Variants in PRELID2 observed in about 807,000 individuals in gnomAD.
PRELID2 encodes the protein PRELI domain containing 2, also known as PRELI domain-containing protein 2.
In PRELID2, 25 loss-of-function variants were observed where a neutral mutation model predicts 28.4. The ratio of observed to expected loss-of-function variants is 0.88; its 90% CI spans 0.64 to 1.23. The LOEUF is 1.23. PRELID2 is among the 50% of genes most tolerant of loss of function. The pLI is 0.00. For synonymous variants in PRELID2, 76 were observed against 71.6 expected, an observed-to-expected ratio of 1.06 and a Z score of -0.31; for missense variants, 201 against 214.4, an observed-to-expected ratio of 0.94 and a Z score of 0.39.
At chr5:145,542,670 CTCT>C (rs1752753046) in intron 1 of PRELID2, among the ~76,000 whole-genome samples, 1 of 152,048 alleles carries the variant, frequency 6.6e-6, no homozygotes, top group African/African-American at 2.4e-5. Flanking sequence ...TGAAACTGAC[CTCT>C]TCTTAGAGTT....
chr5:145,484,896 T>A (rs1053532726), intron 1 of PRELID2, among the ~76,000 whole-genome samples: 2 of 152,182 alleles, frequency 1.3e-5, no homozygotes, highest in Admixed American at 6.5e-5. Flanking sequence ...TTCAGGACTT[T>A]GTCTGAGATA....
At chr5:145,561,023 T>TC (rs1752921283) in intron 1 of PRELID2, among the ~76,000 whole-genome samples, 1 of 151,984 alleles carries the variant, frequency 6.6e-6, no homozygotes, top group Admixed American at 6.5e-5. Context: ...TTTTTTTTTT[T>TC]CCTAAAATGT....
intron 1 of PRELID2, among the ~76,000 whole-genome samples, chr5:145,689,231 A>T (rs1046918519): frequency 6.6e-6 from 1 of 152,158 alleles, no homozygotes. Context: ...TAGGCTTCCC[A>T]GGAGAGGCCA....
intron 1 of PRELID2, among the ~76,000 whole-genome samples, chr5:145,710,784 A>G (rs1755672280): frequency 6.6e-6 from 1 of 152,248 alleles, no homozygotes; most frequent in Admixed American, 6.5e-5. Flanking sequence ...AGGGATAAAA[A>G]AGAAGGTTCT....
chr5:145,337,686 AATAT>A, the PRELID2 span, among the ~76,000 whole-genome samples: 6,620 of 79,046 alleles, frequency 0.084, 213 homozygotes, highest in Non-Finnish European at 0.093. Context: ...GCATAGGGCA[AATAT>A]ATATATATAT....
At chr5:145,298,784 C>T in the PRELID2 span, among the ~76,000 whole-genome samples, 2 of 151,956 alleles carry the variant, frequency 1.3e-5, no homozygotes, top group African/African-American at 4.8e-5. Flanking sequence ...ACAAAATAAA[C>T]TAAGACAATA....
chr5:145,784,523 T>G (rs1751857475), intron 5 of PRELID2, among the ~76,000 whole-genome samples: 1 of 152,166 alleles, frequency 6.6e-6, no homozygotes, highest in African/African-American at 2.4e-5. Context: ...GGAGAAAATT[T>G]GGCAATAAGC....
At chr5:145,542,478 T>C (rs1752751407) in intron 1 of PRELID2, among the ~76,000 whole-genome samples, 1 of 152,110 alleles carries the variant, frequency 6.6e-6, no homozygotes, top group African/African-American at 2.4e-5. Context: ...GTGAATGCAA[T>C]TTACCCCAAC....
chr5:145,461,397 G>C, the PRELID2 span, among the ~76,000 whole-genome samples: 1 of 151,910 alleles, frequency 6.6e-6, no homozygotes, highest in Non-Finnish European at 1.5e-5. Flanking sequence ...CTGCCTCCCG[G>C]GTTCACGCCA....
chr5:145,824,707 G>A (rs1755064063), intron 1 of PRELID2, among the ~76,000 whole-genome samples: 1 of 151,982 alleles, frequency 6.6e-6, no homozygotes, highest in Admixed American at 6.6e-5. Context: ...ATGACCTCAG[G>A]GATCAATTTG....
intron 1 of PRELID2, among the ~76,000 whole-genome samples, chr5:145,560,760 A>G (rs1008116050): frequency 6.6e-6 from 1 of 152,250 alleles, no homozygotes; most frequent in Non-Finnish European, 1.5e-5. Context: ...AACAGAATCA[A>G]AGACATGTAT....
the PRELID2 span, among the ~76,000 whole-genome samples, chr5:145,336,660 C>T: frequency 5.9e-5 from 9 of 152,132 alleles, no homozygotes; most frequent in African/African-American, 1.4e-4. Context: ...GACACATGCA[C>T]ACGTATGTTT....
At chr5:145,809,346 C>T (rs1180066753) in intron 4 of PRELID2, among the ~76,000 whole-genome samples, 1 of 151,632 alleles carries the variant, frequency 6.6e-6, no homozygotes, top group South Asian at 2.1e-4. Flanking sequence ...CCGGCCCCTT[C>T]ATCAAGTCTT....
chr5:145,518,501 A>G (rs1030346156), intron 1 of PRELID2, among the ~76,000 whole-genome samples: 1 of 152,160 alleles, frequency 6.6e-6, no homozygotes, highest in Non-Finnish European at 1.5e-5. Context: ...CCCGGCCATG[A>G]GTGCACGTTT....
the PRELID2 span, among the ~76,000 whole-genome samples, chr5:145,411,899 C>T: frequency 1.1e-4 from 17 of 152,272 alleles, no homozygotes; most frequent in Admixed American, 3.3e-4. Flanking sequence ...ACGTGGAAGC[C>T]GCCAAATATG....
chr5:145,465,092 A>G, the PRELID2 span, among the ~76,000 whole-genome samples: 1 of 152,104 alleles, frequency 6.6e-6, no homozygotes, highest in Non-Finnish European at 1.5e-5. Flanking sequence ...AATGCCTTCC[A>G]CCTGTTCCCC....
chr5:145,653,655 T>C (rs923647220), intron 1 of PRELID2, among the ~76,000 whole-genome samples: 1 of 152,108 alleles, frequency 6.6e-6, no homozygotes, highest in African/African-American at 2.4e-5. Flanking sequence ...GACCACTGGG[T>C]ACATAACGAA....
the PRELID2 span, among the ~76,000 whole-genome samples, chr5:145,346,490 T>G: frequency 6.6e-6 from 1 of 152,122 alleles, no homozygotes; most frequent in African/African-American, 2.4e-5. Context: ...ATGCACTAAA[T>G]TGTTTTAGAA....
intron 1 of PRELID2, among the ~76,000 whole-genome samples, chr5:145,736,417 CTAGCCTCAAGTGATAT>C (rs1756498971): frequency 2.0e-5 from 3 of 152,144 alleles, no homozygotes; most frequent in African/African-American, 7.2e-5. Context: ...ACAGTGACTA[CTAGCCTCAAGTGATAT>C]TAGCCTCAAG....
Sources: allele counts gnomAD v4.1 joint callset (sites outside exome capture counted in the v4.1 genomes callset), GRCh38; gene constraint gnomAD v4.1.1; transcripts MANE v1.5; gene names NCBI Gene and HGNC (gene_info 2026-07-23, HGNC 2026-07-21).